AGAP3: variants seen among roughly 807,000 people sequenced by gnomAD.
The protein encoded by AGAP3 is arf-GAP with GTPase, ANK repeat and PH domain-containing protein 3.
In AGAP3, 24 loss-of-function variants were observed where a neutral mutation model predicts 96.9. The observed-to-expected ratio is 0.25, with a 90% CI of 0.18 to 0.35. The LOEUF is 0.35. Ranked by LOEUF, AGAP3 falls within the 10% of genes least tolerant of loss-of-function variation. AGAP3 has a pLI of 1.00. For synonymous variants in AGAP3, 563 were observed against 536.1 expected (o/e 1.05, Z -0.69); for missense variants, 876 against 1,254.2 (o/e 0.70, Z 4.55).
In AGAP3 at chr7:151,096,598, G is replaced by A. The variant is rs1187768726; in HGVS notation, c.331+9526G>A. The stretch of plus-strand genomic sequence containing the variant: ...CGCCATTCTCCTGCCACAGCCTCCC[G>A]AGTAGCTGGGACTACAGGTGCCCAC... On this transcript the variant is annotated intron_variant, in intron 1 of 17. Transcript: ENST00000397238. The surrounding 1 kb of genome is among the most constrained non-coding windows in gnomAD (Gnocchi z 4.4). Among the ~76,000 whole-genome samples, 2 of 146,674 alleles carry A rather than the reference G, an allele frequency of 1.4e-5. No homozygotes were observed. The highest frequency in any genetic ancestry group is 3.0e-5 in the Non-Finnish European group (2 of 66,862).
In AGAP3 at chr7:151,139,303, G is replaced by A. The variant is rs986399217; in HGVS notation, c.1667-676G>A. On this transcript the variant is annotated intron_variant, in intron 12 of 17. Transcript: ENST00000397238. This position sits in a 1 kb window ranked among gnomAD's most constrained non-coding sequence, Gnocchi z 4.9. The stretch of plus-strand genomic sequence containing the variant: ...GGGAGGAGCTGGGCGGTGCCAGCAC[G>A]GGGATCTGCCCCACCTCCCAATCCA... 3.3e-5 allele frequency among the ~76,000 whole-genome samples: 5 copies of A among 152,186 alleles called. No homozygotes were observed. Among genetic ancestry groups the A allele is most frequent in the Non-Finnish European group, 5.9e-5 (4 of 68,036 alleles).
Position 151,138,229 on chromosome 7 carries a change from C to A in AGAP3, c.1582C>A (p.Leu528Met). 6.2e-7 allele frequency: 1 copy of A among 1,612,498 alleles called. No homozygotes were observed. The highest frequency in any genetic ancestry group is 8.5e-7 in the Non-Finnish European group (1 of 1,179,722). The change falls in exon 12 of 18, where the codon CTG (leucine) becomes ATG (methionine). Residue 528 changes from leucine (L) to methionine (M), a missense_variant. Physicochemically the swap from Leu to Met is conservative, Grantham distance 15. Transcript: ENST00000397238. ...CTGGGCTGGCCCGCGCCCTGAGGGG[C>A]TGCACCAGCGCTCCTGCTCCGTTTC... ...SAWAGPRPEG[L>M]HQRSCSVSSA...
rs190177682 is a variant in AGAP3, at chr7:151,128,090, T to G, written c.1222-490T>G. ...TGCTTGGGACAATTAGGGGATTTTCTGCCCTCTTATGGAGCTACCACAGGG... is the reference window on the plus strand; with the variant it reads ...TGCTTGGGACAATTAGGGGATTTTCGGCCCTCTTATGGAGCTACCACAGGG... On this transcript the variant is annotated intron_variant, in intron 9 of 17. Transcript: ENST00000397238. 3.6e-3 allele frequency among the ~76,000 whole-genome samples: 552 copies of G among 152,270 alleles called. 2 individuals carry two copies. The highest frequency in any genetic ancestry group is 0.012 in the African/African-American group (496 of 41,552).
At chr7:151,110,598 C>G (rs543123731) in intron 1 of AGAP3, among the ~76,000 whole-genome samples, 2 of 152,142 alleles carry the variant, frequency 1.3e-5, no homozygotes, top group South Asian at 4.2e-4. Context: ...AGGTTCTGGT[C>G]TGAAGAGGTC....
At chr7:151,087,300 G>A (rs1020425634) in intron 1 of AGAP3, 1 of 570,568 alleles carries the variant, frequency 1.8e-6, no homozygotes, top group Admixed American at 3.0e-5. Flanking sequence ...CTGTGTTCCA[G>A]GGCGCGAAGG....
intron 8 of AGAP3, chr7:151,120,780 C>G: frequency 8.4e-7 from 1 of 1,183,822 alleles, no homozygotes; most frequent in Non-Finnish European, 1.1e-6. Context: ...CCTCACTCAC[C>G]CCTCACAAAC....
intron 4 of AGAP3, 75 bp from the exon 5 acceptor site, chr7:151,117,561 A>G: frequency 1.9e-6 from 3 of 1,611,674 alleles, no homozygotes; most frequent in East Asian, 2.2e-5. Flanking sequence ...AGAAGGGTCT[A>G]CTTGAGTTCA....
At chr7:151,110,337 T>C (rs1799229364) in intron 1 of AGAP3, among the ~76,000 whole-genome samples, 4 of 152,204 alleles carry the variant, frequency 2.6e-5, no homozygotes. Context: ...GATGTTAGCA[T>C]GGTCACTGAG....
chr7:151,095,519 T>C (rs1585038005), intron 1 of AGAP3, among the ~76,000 whole-genome samples: 1 of 152,018 alleles, frequency 6.6e-6, no homozygotes, highest in African/African-American at 2.4e-5. Flanking sequence ...TCAAAGCCTG[T>C]CACAGGGGCA....
rs369632963 is a variant in AGAP3, at chr7:151,140,077, G to A, written c.1765G>A (p.Gly589Arg). The A allele has an allele frequency of 6.2e-6, 10 of 1,604,942 alleles. No homozygotes were observed. Among genetic ancestry groups the A allele is most frequent in the Admixed American group, 1.7e-5 (1 of 58,828 alleles). The change falls in exon 13 of 18, where the codon GGG (glycine) becomes AGG (arginine). Residue 589 changes from glycine (G) to arginine (R), a missense_variant. By Grantham distance (125) the Gly-to-Arg change is moderately radical. Transcript: ENST00000397238. This position sits in a 1 kb window ranked among gnomAD's most constrained non-coding sequence, Gnocchi z 5.4. Reference sequence around the variant, plus strand: ...GAAGCACCGGAGGAAAAAGAGCACCGGGACCCCCCGACCAGACGGCCCCAG... The same window carrying A: ...GAAGCACCGGAGGAAAAAGAGCACCAGGACCCCCCGACCAGACGGCCCCAG... ...RKKHRRKKSTGTPRPDGPSSA... is the reference protein window; with the variant it reads ...RKKHRRKKSTRTPRPDGPSSA...
chr7:151,138,874 CAGAT>C (rs1419435433), intron 12 of AGAP3, among the ~76,000 whole-genome samples: 1 of 152,188 alleles, frequency 6.6e-6, no homozygotes, highest in African/African-American at 2.4e-5. Context: ...CTGTCCCCCT[CAGAT>C]AGGCCTCCAC....
At chr7:151,110,014 G>A (rs903082923) in intron 1 of AGAP3, among the ~76,000 whole-genome samples, 5 of 152,242 alleles carry the variant, frequency 3.3e-5, no homozygotes, top group East Asian at 1.9e-4. Context: ...GGAGACCGTG[G>A]CTGGTCACCC....
chr7:151,105,273 T>C (rs1412464449), intron 1 of AGAP3, among the ~76,000 whole-genome samples: 1 of 152,156 alleles, frequency 6.6e-6, no homozygotes, highest in African/African-American at 2.4e-5. Context: ...TCTGTAAACA[T>C]TTCAGAAAAC....
At position 151,133,509 on chromosome 7, in the gene AGAP3, G is replaced by A. The variant is rs138803489; in HGVS notation, c.1327-891G>A. ...GCACAAAGTGGCCCCCCATCTCCGG[G>A]GCCCTGACTTGAAAGCAGGGTGAGT... On this transcript the variant is annotated intron_variant, in intron 10 of 17. Transcript: ENST00000397238. This position sits in a 1 kb window ranked among gnomAD's most constrained non-coding sequence, Gnocchi z 5.4. Among the ~76,000 whole-genome samples, 31 of 152,244 alleles carry A rather than the reference G, an allele frequency of 2.0e-4. No individual in the cohort carries two copies. Among genetic ancestry groups the A allele is most frequent in the Admixed American group, 1.3e-3 (20 of 15,300 alleles).
Position 151,141,650 on chromosome 7 carries a change from C to T in AGAP3, c.1805-248C>T, listed in dbSNP as rs1800816359. On this transcript the variant is annotated intron_variant, in intron 13 of 17. Coordinates refer to ENST00000397238, the MANE Select transcript of AGAP3 (RefSeq NM_031946.7). The surrounding 1 kb of genome is among the most constrained non-coding windows in gnomAD (Gnocchi z 4.2). ...GCCAGGGGTGCCAAGATCTTGCATC[C>T]CCCATCTGTTTTCACTTAAGCTCCA... The T allele has an allele frequency of 3.8e-6, 2 of 529,846 alleles. No homozygotes were observed. Among genetic ancestry groups the T allele is most frequent in the Admixed American group, 6.5e-5 (2 of 30,862 alleles). The allele number at this position is 529,846 out of a possible 1,614,324, so 32.8% of individuals were successfully genotyped here.
intron 10 of AGAP3, among the ~76,000 whole-genome samples, chr7:151,130,258 G>T (rs1800352932): frequency 6.6e-6 from 1 of 152,142 alleles, no homozygotes; most frequent in Admixed American, 6.5e-5. Context: ...GGATGAAGAG[G>T]AGTGGCAAGG....
chr7:151,128,639 G>C lies in AGAP3; in HGVS notation c.1281G>C (p.Val427=), dbSNP rs374992915. The change falls in exon 10 of 18, where the codon GTG becomes GTC. Residue 427 remains valine, a synonymous_variant. Transcript: ENST00000397238. ...SLNKEWKKKY[V]TLCDNGLLTY... Reference sequence around the variant, plus strand: ...ACAAGGAGTGGAAGAAGAAGTATGTGACGCTCTGTGACAACGGGCTGCTCA... The same window carrying C: ...ACAAGGAGTGGAAGAAGAAGTATGTCACGCTCTGTGACAACGGGCTGCTCA... 4.3e-6 allele frequency: 7 copies of C among 1,613,706 alleles called. No individual in the cohort carries two copies. In the African/African-American group the frequency reaches 8.0e-5, roughly 18 times the overall value.
intron 1 of AGAP3, among the ~76,000 whole-genome samples, chr7:151,097,721 C>A (rs933136663): frequency 6.6e-6 from 1 of 151,822 alleles, no homozygotes; most frequent in Non-Finnish European, 1.5e-5. Flanking sequence ...CTTCAACAGC[C>A]GCAGTGGGGA....
rs374060743 is a variant in AGAP3, at chr7:151,117,090, C to G, written c.391-5C>G. The stretch of plus-strand genomic sequence containing the variant: ...CTGACCCACTCACCCCTTCCTCTCC[C>G]GCAGGGCATAGTGGGGAACCTGTCT... On this transcript the variant is annotated splice_polypyrimidine_tract_variant and splice_region_variant and intron_variant, in intron 2 of 17. Coordinates refer to ENST00000397238, the MANE Select transcript of AGAP3 (RefSeq NM_031946.7). 1 of 1,613,304 alleles carries G rather than the reference C, an allele frequency of 6.2e-7. No homozygotes were observed. The highest frequency in any genetic ancestry group is 1.7e-5 in the Admixed American group (1 of 59,956).
Sources: allele counts gnomAD v4.1 joint callset (sites outside exome capture counted in the v4.1 genomes callset), GRCh38; gene constraint gnomAD v4.1.1; non-coding constraint Gnocchi (gnomAD v3.1); transcripts MANE v1.5; gene names NCBI Gene and HGNC (gene_info 2026-07-23, HGNC 2026-07-21).